Variants in ADGRL3 observed in about 807,000 individuals in gnomAD.
The protein encoded by ADGRL3 is adhesion G protein-coupled receptor L3, also known as calcium-independent alpha-latrotoxin receptor 3.
ADGRL3 carries 62 observed loss-of-function variants against 153.5 expected under a neutral mutation model. The observed-to-expected ratio is 0.40, with a 90% confidence interval of 0.33 to 0.50. The LOEUF is 0.50. ADGRL3 is among the 20% of genes least tolerant of loss of function. The pLI is 0.47. For missense variants in ADGRL3, 1,641 were observed against 1,859.4 expected, an observed-to-expected ratio of 0.88 and a Z score of 2.16; for synonymous variants, 710 against 672.5, an observed-to-expected ratio of 1.06 and a Z score of -0.86.
In ADGRL3 at chr4:61,973,784, T is replaced by A. The variant is rs563645886; in HGVS notation, c.2806-5779T>A. The stretch of plus-strand genomic sequence containing the variant: ...CCTGACAAAATTTTTTAGTGTCATC[T>A]TTGTTTGCTACGTTATTTGTCTTTT... On this transcript the variant is annotated intron_variant, in intron 17 of 26. Transcript: ENST00000683033. Among the ~76,000 whole-genome samples, 7 of 152,316 alleles carry A rather than the reference T, an allele frequency of 4.6e-5. No individual in the cohort carries two copies. In the South Asian group the frequency reaches 1.4e-3, roughly 32 times the overall value.
At chr4:61,503,070 G>A (rs2098402822) in intron 3 of ADGRL3, among the ~76,000 whole-genome samples, 1 of 152,130 alleles carries the variant, frequency 6.6e-6, no homozygotes, top group African/African-American at 2.4e-5. Context: ...ATTTAAAATA[G>A]GTATTTTGTA....
chr4:61,200,974 GT>G lies in ADGRL3; in HGVS notation c.-1028del, dbSNP rs1734490813. On this transcript the variant is annotated 5_prime_UTR_variant, in exon 1 of 27. The change abolishes the stop of an existing upstream ORF in the 5' untranslated region. Coordinates refer to ENST00000683033, the MANE Select transcript of ADGRL3 (RefSeq NM_001387552.1). Reference sequence around the variant, plus strand: ...GCCCCCTCCGTGCACCGGGGAAGGAGTTTGTGTGGCTCTCGCTCCGGCTGTC... The same window carrying G: ...GCCCCCTCCGTGCACCGGGGAAGGAGTTGTGTGGCTCTCGCTCCGGCTGTC... Among the ~76,000 whole-genome samples the G allele has an allele frequency of 6.6e-6, 1 of 152,240 alleles. No individual in the cohort carries two copies. The highest frequency in any genetic ancestry group is 2.0e-4 in the East Asian group (1 of 5,126).
At chr4:61,639,778 A>C (rs1289414847) in intron 5 of ADGRL3, among the ~76,000 whole-genome samples, 2 of 152,228 alleles carry the variant, frequency 1.3e-5, no homozygotes, top group Non-Finnish European at 1.5e-5. Flanking sequence ...GTATGTGTTC[A>C]TAAGTATAAT....
chr4:61,504,491 A>G (rs1482027496), intron 3 of ADGRL3, among the ~76,000 whole-genome samples: 1 of 152,166 alleles, frequency 6.6e-6, no homozygotes. Flanking sequence ...ATTTTTATTT[A>G]TATGTGTTAG....
chr4:61,477,076 T>TA (rs1385950561), intron 2 of ADGRL3, among the ~76,000 whole-genome samples: 3 of 152,174 alleles, frequency 2.0e-5, no homozygotes, highest in African/African-American at 7.2e-5. Flanking sequence ...ATATATCTGA[T>TA]ACGTAATTTA....
intron 1 of ADGRL3, among the ~76,000 whole-genome samples, chr4:61,276,909 T>C (rs1011739109): frequency 6.6e-6 from 1 of 152,108 alleles, no homozygotes; most frequent in Non-Finnish European, 1.5e-5. Flanking sequence ...ACAGAACAGA[T>C]ACTGTTGTGA....
rs576604358 is a variant in ADGRL3 at position 61,720,008 on chromosome 4, C to G, written c.584-10614C>G. Among the ~76,000 whole-genome samples the G allele has an allele frequency of 2.5e-3, 381 of 151,808 alleles. 5 individuals are homozygous for G. Among genetic ancestry groups the G allele is most frequent in the Non-Finnish European group, 2.9e-3 (200 of 67,944 alleles). On this transcript the variant is annotated intron_variant, in intron 6 of 26. Coordinates refer to ENST00000683033, the MANE Select transcript of ADGRL3 (RefSeq NM_001387552.1). ...ATGTGATACTGCCTTAAATGATGTC[C>G]AAGAAAAGCAATGTAATCTGAAAAG...
intron 5 of ADGRL3, among the ~76,000 whole-genome samples, chr4:61,648,557 AGATTTT>A (rs1405744731): frequency 6.7e-6 from 1 of 149,114 alleles, no homozygotes; most frequent in Non-Finnish European, 1.5e-5. Flanking sequence ...GGTTTTTTTT[AGATTTT>A]AATAGTCTTT....
At chr4:61,652,655 G>A (rs1442172786) in intron 5 of ADGRL3, among the ~76,000 whole-genome samples, 1 of 152,072 alleles carries the variant, frequency 6.6e-6, no homozygotes, top group Non-Finnish European at 1.5e-5. Context: ...AAATCATTTT[G>A]TAGAAAAGCA....
intron 8 of ADGRL3, among the ~76,000 whole-genome samples, chr4:61,745,718 A>C (rs1002915027): frequency 2.0e-5 from 3 of 152,226 alleles, no homozygotes; most frequent in Non-Finnish European, 4.4e-5. Context: ...AGCACTAAAC[A>C]TGGAAAGGAA....
At chr4:61,691,600 A>G (rs2095540680) in intron 6 of ADGRL3, among the ~76,000 whole-genome samples, 1 of 152,222 alleles carries the variant, frequency 6.6e-6, no homozygotes, top group Non-Finnish European at 1.5e-5. Flanking sequence ...GAATTAAAAC[A>G]GTTTCCAGCA....
chr4:61,792,464 C>CTTTA lies in ADGRL3; in HGVS notation c.1400-21321_1400-21318dup, dbSNP rs1229605320. On this transcript the variant is annotated intron_variant, in intron 8 of 26. Coordinates refer to ENST00000683033, the MANE Select transcript of ADGRL3 (RefSeq NM_001387552.1). ...GTATCTAGGAAGTTCCAAACTTTTC[C>CTTTA]TTTATTTATTTATTTATTTATTTAT... Among the ~76,000 whole-genome samples the CTTTA allele has an allele frequency of 6.1e-3, 917 of 149,316 alleles. 1 individual carries two copies. Among genetic ancestry groups the CTTTA allele is most frequent in the South Asian group, 0.011 (52 of 4,718 alleles).
intron 6 of ADGRL3, among the ~76,000 whole-genome samples, chr4:61,727,359 A>G (rs190897886): frequency 9.4e-4 from 143 of 152,290 alleles, no homozygotes; most frequent in African/African-American, 3.4e-3. Flanking sequence ...ACATATTTAT[A>G]GAGGCTGAAT....
chr4:61,620,182 T>C (rs2149816346), intron 5 of ADGRL3, among the ~76,000 whole-genome samples: 1 of 152,140 alleles, frequency 6.6e-6, no homozygotes, highest in East Asian at 1.9e-4. Flanking sequence ...CTCATATAAC[T>C]AATTTCTCTA....
At chr4:61,398,684 C>T (rs1160351079) in intron 2 of ADGRL3, among the ~76,000 whole-genome samples, 1 of 151,406 alleles carries the variant, frequency 6.6e-6, no homozygotes, top group Non-Finnish European at 1.5e-5. Flanking sequence ...CTCTGGTTTA[C>T]AATGTCTTTC....
rs568958506 is a variant in ADGRL3, at chr4:61,720,264, A to G, written c.584-10358A>G. Among the ~76,000 whole-genome samples the G allele has an allele frequency of 3.3e-5, 5 of 151,422 alleles. No individual in the cohort carries two copies. The South Asian group carries it at 6.3e-4, about 19-fold the overall frequency. On this transcript the variant is annotated intron_variant, in intron 6 of 26. Coordinates refer to ENST00000683033, the MANE Select transcript of ADGRL3 (RefSeq NM_001387552.1). ...ACCACCACGCCCAGTTAATTTTTGT[A>G]TTTTTAGTAGAGATGGGGTTTCACC... is the stretch of plus-strand genomic sequence containing the variant.
chr4:61,766,208 G>A (rs1417271531), intron 8 of ADGRL3, among the ~76,000 whole-genome samples: 2 of 152,106 alleles, frequency 1.3e-5, no homozygotes, highest in African/African-American at 2.4e-5. Context: ...AACGGTAATT[G>A]TGGGAGACTC....
chr4:61,400,381 A>G (rs1490456233), intron 2 of ADGRL3, among the ~76,000 whole-genome samples: 1 of 151,822 alleles, frequency 6.6e-6, no homozygotes, highest in East Asian at 1.9e-4. Flanking sequence ...AAATACCCCA[A>G]AAACTTTTAC....
At chr4:61,651,189 T>G (rs1383001409) in intron 5 of ADGRL3, among the ~76,000 whole-genome samples, 1 of 152,140 alleles carries the variant, frequency 6.6e-6, no homozygotes, top group Admixed American at 6.5e-5. Flanking sequence ...AAATTGTTAA[T>G]TGTCCATTAA....
Sources: allele counts gnomAD v4.1 joint callset (sites outside exome capture counted in the v4.1 genomes callset), GRCh38; gene constraint gnomAD v4.1.1; transcripts MANE v1.5; gene names NCBI Gene and HGNC (gene_info 2026-07-23, HGNC 2026-07-21).